KCTD15: variants seen among roughly 807,000 people sequenced by gnomAD.
KCTD15 encodes BTB/POZ domain-containing protein KCTD15.
KCTD15 carries 11 observed loss-of-function variants against 27.2 expected under a neutral mutation model. That is an observed-to-expected ratio of 0.41 (90% CI 0.25 to 0.67). KCTD15 has a LOEUF of 0.67. KCTD15 is among the 30% of genes least tolerant of loss of function. The pLI is 0.35. For synonymous variants in KCTD15, 163 were observed against 176.0 expected, an observed-to-expected ratio of 0.93 and a Z score of 0.58; for missense variants, 350 against 409.3, an observed-to-expected ratio of 0.86 and a Z score of 1.25.
intron 5 of KCTD15, 52 bp from the exon 6 acceptor site, chr19:33,811,195 C>A: frequency 1.6e-6 from 2 of 1,281,402 alleles, no homozygotes; most frequent in Non-Finnish European, 2.1e-6. Flanking sequence ...CCCCCTTCCC[C>A]CACCACCCCT....
At chr19:33,797,642 C>A (rs557931363) in intron 1 of KCTD15, among the ~76,000 whole-genome samples, 71 of 152,184 alleles carry the variant, frequency 4.7e-4, no homozygotes, top group Non-Finnish European at 3.7e-4. Flanking sequence ...ACGCGCGCAC[C>A]CGGCACACAC....
chr19:33,800,601 T>C (rs1599671115), intron 3 of KCTD15, 81 bp downstream of exon 3: 4 of 1,292,576 alleles, frequency 3.1e-6, no homozygotes, highest in African/African-American at 1.5e-5. Flanking sequence ...CTGGCTGTCC[T>C]TCCTTGGGAC....
chr19:33,811,383 CCGACTTGGG>C lies in KCTD15; in HGVS notation c.528_536del (p.Asp176_Gly178del). The C allele has an allele frequency of 6.3e-7, 1 of 1,598,596 alleles. No homozygotes were observed. The highest frequency in any genetic ancestry group is 8.5e-7 in the Non-Finnish European group (1 of 1,173,296). On this transcript the variant is annotated inframe_deletion, in exon 6 of 7. Transcript: ENST00000683859. Reference sequence around the variant, plus strand: ...GACTGCCTGGTGGTGCGCGTCACGCCCGACTTGGGCGAGCGGATCGCACTCAGCGGCGAG... The same window carrying C: ...GACTGCCTGGTGGTGCGCGTCACGCCCGAGCGGATCGCACTCAGCGGCGAG...
chr19:33,812,644 G>C, intron 6 of KCTD15, 146 bp from the exon 7 acceptor site: 1 of 1,352,912 alleles, frequency 7.4e-7, no homozygotes, highest in Non-Finnish European at 9.5e-7. Flanking sequence ...GGTTCTGTAG[G>C]GACCTTTGTC....
chr19:33,801,528 T>G (rs539128991), intron 4 of KCTD15, 186 bp downstream of exon 4: 16 of 512,828 alleles, frequency 3.1e-5, no homozygotes, highest in Non-Finnish European at 4.4e-5. Flanking sequence ...AAAGCTGCTA[T>G]GCACAGAGGC....
chr19:33,812,722 C>G, intron 6 of KCTD15, 68 bp from the exon 7 acceptor site: 1 of 1,398,154 alleles, frequency 7.2e-7, no homozygotes, highest in Non-Finnish European at 9.3e-7. Flanking sequence ...GCACCCACCT[C>G]CCTGCCAGGC....
intron 6 of KCTD15, 110 bp downstream of exon 6, chr19:33,811,662 C>T (rs781595677): frequency 1.7e-5 from 26 of 1,504,512 alleles, no homozygotes; most frequent in Non-Finnish European, 2.2e-5. Context: ...TGAAGCCCCC[C>T]GTGCCATCCT....
At chr19:33,802,310 G>A (rs1975584560) in intron 4 of KCTD15, among the ~76,000 whole-genome samples, 1 of 152,200 alleles carries the variant, frequency 6.6e-6, no homozygotes, top group African/African-American at 2.4e-5. Context: ...TGAAATAACA[G>A]GAGGAGTTAA....
Position 33,800,498 on chromosome 19 carries a change from C to T in KCTD15, c.44C>T (p.Thr15Ile), listed in dbSNP as rs976122200. The change falls in exon 3 of 7, where the codon ACA becomes ATA. Residue 15 changes from threonine (T) to isoleucine (I), a missense_variant. By Grantham distance (89) the Thr-to-Ile change is moderately conservative. This residue lies in a region of KCTD15 where 77 missense variants were observed against 72.7 expected (regional missense o/e 1.06). Coordinates refer to ENST00000683859, the MANE Select transcript of KCTD15 (RefSeq NM_001129994.2). ...KERPSGSSLH[T>I]HGSTGTAEGG... ...CGGCCGAGCGGGTCCTCGCTTCACA[C>T]ACACGGCAGCACCGGCACCGCGGTG... The T allele has an allele frequency of 2.9e-5, 46 of 1,602,486 alleles. No individual in the cohort carries two copies. The East Asian group carries it at 1.0e-3, about 36-fold the overall frequency.
intron 4 of KCTD15, 49 bp from the exon 5 acceptor site, chr19:33,806,814 A>T: frequency 6.3e-7 from 1 of 1,593,916 alleles, no homozygotes; most frequent in Non-Finnish European, 8.6e-7. Context: ...GAAGACAGGC[A>T]GACTTGTCCC....
At chr19:33,807,122 G>A (rs570304725) in intron 5 of KCTD15, 115 bp downstream of exon 5, 13 of 1,277,894 alleles carry the variant, frequency 1.0e-5, no homozygotes, top group South Asian at 1.5e-5. Flanking sequence ...AAAGTTAAAC[G>A]ATGAAGCCGA....
intron 5 of KCTD15, among the ~76,000 whole-genome samples, chr19:33,809,837 C>T (rs1370171235): frequency 2.0e-5 from 3 of 152,110 alleles, no homozygotes; most frequent in African/African-American, 7.2e-5. Flanking sequence ...CATCACTGCA[C>T]TCCAGTCTGG....
intron 5 of KCTD15, 86 bp downstream of exon 5, chr19:33,807,093 G>GT: frequency 7.0e-7 from 1 of 1,430,826 alleles, no homozygotes; most frequent in Non-Finnish European, 9.5e-7. Context: ...TGGACCCCTG[G>GT]TTGTCATGGT....
intron 1 of KCTD15, chr19:33,797,283 T>TGTGTGC (rs1161099493): frequency 2.8e-4 from 34 of 120,702 alleles, no homozygotes; most frequent in East Asian, 4.4e-4. Context: ...TGTGTGTGTG[T>TGTGTGC]GCGCGCGCGC....
At chr19:33,801,643 A>G (rs1296840739) in intron 4 of KCTD15, 7 of 290,016 alleles carry the variant, frequency 2.4e-5, no homozygotes, top group East Asian at 1.2e-4. Flanking sequence ...GCCTGCCGGC[A>G]GCGGGCAGGG....
At chr19:33,810,798 C>T (rs1975873126) in intron 5 of KCTD15, among the ~76,000 whole-genome samples, 1 of 150,242 alleles carries the variant, frequency 6.7e-6, no homozygotes, top group Non-Finnish European at 1.5e-5. Flanking sequence ...GCAGGCTTGG[C>T]TGGAGAAGAA....
At chr19:33,802,142 G>A (rs1032185297) in intron 4 of KCTD15, among the ~76,000 whole-genome samples, 2 of 152,288 alleles carry the variant, frequency 1.3e-5, no homozygotes, top group South Asian at 2.1e-4. Context: ...CCGTTGGCAC[G>A]GCAGCAGGGC....
At chr19:33,798,383 A>G (rs1183704991) in intron 1 of KCTD15, 1 of 152,034 alleles carries the variant, frequency 6.6e-6, no homozygotes, top group Non-Finnish European at 1.5e-5. Context: ...GGGACACAAA[A>G]TCATTTTGTG....
At chr19:33,805,745 C>T (rs1359219533) in intron 4 of KCTD15, among the ~76,000 whole-genome samples, 8 of 152,192 alleles carry the variant, frequency 5.3e-5, no homozygotes, top group African/African-American at 1.2e-4. Context: ...AAACCAAGCC[C>T]TTGGCTACTC....
Sources: gnomAD v4.1 joint callset for allele counts (sites outside exome capture counted in the v4.1 genomes callset) on GRCh38, gnomAD v4.1.1 for gene constraint, gnomAD v4.1.1 regional missense constraint, MANE v1.5 for transcripts, NCBI Gene and HGNC (gene_info 2026-07-23, HGNC 2026-07-21) for gene names.